The following ACVR1 variants were observed in gnomAD, a reference collection of about 807,000 sequenced individuals.
ACVR1 encodes the protein activin receptor type-1.
A neutral mutation model predicts 57.1 loss-of-function variants in ACVR1; 38 were observed. The ratio of observed to expected loss-of-function variants is 0.67; its 90% CI spans 0.51 to 0.87. The LOEUF (loss-of-function observed/expected upper bound fraction) is 0.87. Ranked by LOEUF, ACVR1 falls within the 40% of genes least tolerant of loss-of-function variation. The pLI is 0.00. For missense variants in ACVR1, 463 were observed against 638.2 expected (o/e 0.73, Z 2.96); for synonymous variants, 212 against 228.1 (o/e 0.93, Z 0.63).
chr2:157,756,647 C>A (rs1196291743), intron 9 of ACVR1, among the ~76,000 whole-genome samples: 2 of 151,886 alleles, frequency 1.3e-5, no homozygotes, highest in African/African-American at 4.8e-5. Context: ...ATCAAAAAAT[C>A]AAAAAATAAC....
At chr2:157,779,814 C>T (rs1053224833) in intron 4 of ACVR1, among the ~76,000 whole-genome samples, 8 of 152,158 alleles carry the variant, frequency 5.3e-5, no homozygotes, top group Non-Finnish European at 7.3e-5. Flanking sequence ...TGTGCGAAAT[C>T]TCATCCTGCT....
intron 9 of ACVR1, among the ~76,000 whole-genome samples, chr2:157,743,006 C>T (rs958019196): frequency 1.1e-4 from 16 of 152,110 alleles, no homozygotes; most frequent in Non-Finnish European, 1.6e-4. Context: ...GAGCCCACTC[C>T]CTCCCCACCA....
chr2:157,823,954 C>T (rs1688246096), intron 1 of ACVR1, among the ~76,000 whole-genome samples: 1 of 152,150 alleles, frequency 6.6e-6, no homozygotes, highest in Non-Finnish European at 1.5e-5. Flanking sequence ...AGCCCTGGCC[C>T]ATGTAATCTT....
intron 7 of ACVR1, 130 bp downstream of exon 7, chr2:157,770,238 A>C: frequency 1.0e-6 from 1 of 958,748 alleles, no homozygotes; most frequent in Non-Finnish European, 1.6e-6. Flanking sequence ...ACAGCATATA[A>C]ATGCTAAGGA....
intron 4 of ACVR1, among the ~76,000 whole-genome samples, chr2:157,779,161 C>CA (rs536914530): frequency 3.5e-4 from 51 of 146,752 alleles, no homozygotes; most frequent in South Asian, 1.1e-3. Context: ...TCCTTAAATT[C>CA]AAAAAAAAAA....
intron 1 of ACVR1, among the ~76,000 whole-genome samples, chr2:157,842,840 A>T (rs907759738): frequency 6.6e-6 from 1 of 152,184 alleles, no homozygotes; most frequent in Non-Finnish European, 1.5e-5. Context: ...GACTGTTCTA[A>T]GGTTCATCTA....
At chr2:157,844,295 G>A (rs1007416026) in intron 1 of ACVR1, among the ~76,000 whole-genome samples, 1 of 152,144 alleles carries the variant, frequency 6.6e-6, no homozygotes. Context: ...AAGTAACAGT[G>A]ACAGCTCTGC....
intron 9 of ACVR1, 122 bp downstream of exon 9, chr2:157,760,758 A>AT (rs1685614473): frequency 1.0e-6 from 1 of 989,814 alleles, no homozygotes; most frequent in Admixed American, 2.1e-5. Context: ...ATGAATGCCT[A>AT]TAACTCGACA....
At chr2:157,867,018 T>C (rs60142538) in intron 1 of ACVR1, among the ~76,000 whole-genome samples, 1 of 152,208 alleles carries the variant, frequency 6.6e-6, no homozygotes, top group Admixed American at 6.5e-5. Context: ...CAGTTCCATT[T>C]TCCCAGCTTC....
rs1690269300 is a variant in ACVR1 at position 157,875,809 on chromosome 2, G to GCGGCCGGGGGCT, written c.-208_-197dup. 6.6e-6 allele frequency: 1 copy of GCGGCCGGGGGCT among 151,554 alleles called. No individual in the cohort carries two copies. 9.4% of individuals were successfully genotyped at this position (151,554 alleles called of 1,614,324 possible). On this transcript the variant is annotated 5_prime_UTR_variant, in exon 1 of 11. Transcript: ENST00000434821. ...ACCTGCGCTCACCTCGGGTCCCGCC[G>GCGGCCGGGGGCT]CGGCCGGGGGCTGAGCCGGGGGAGG...
In ACVR1 at chr2:157,821,388, G is replaced by C. The variant is rs185325854; in HGVS notation, c.-182-2829C>G. 3.9e-5 allele frequency among the ~76,000 whole-genome samples: 6 copies of C among 152,230 alleles called. No individual in the cohort carries two copies. In the East Asian group the frequency reaches 1.2e-3, roughly 30 times the overall value. The stretch of plus-strand genomic sequence containing the variant: ...CAAAAATACAAAATTAGCCTGGCGT[G>C]GTGGCAGGCACCTGTAATCCTAGCT... On this transcript the variant is annotated intron_variant, in intron 1 of 10. Coordinates refer to ENST00000434821, the MANE Select transcript of ACVR1 (RefSeq NM_001111067.4).
intron 2 of ACVR1, among the ~76,000 whole-genome samples, chr2:157,809,162 G>T (rs1234370270): frequency 1.3e-5 from 2 of 152,080 alleles, no homozygotes; most frequent in Non-Finnish European, 2.9e-5. Flanking sequence ...ACTTTGTAAA[G>T]TTTCTCCAAG....
chr2:157,817,436 T>C (rs537825437), intron 2 of ACVR1, among the ~76,000 whole-genome samples: 4 of 152,322 alleles, frequency 2.6e-5, no homozygotes, highest in South Asian at 4.1e-4. Flanking sequence ...AACTACTCTC[T>C]ATAATATTAT....
In ACVR1 at chr2:157,736,634, A is replaced by G. The variant is rs1362898531; in HGVS notation, c.*897T>C. 1 of 314,164 alleles carries G rather than the reference A, an allele frequency of 3.2e-6. No homozygotes were observed. Among genetic ancestry groups the G allele is most frequent in the Non-Finnish European group, 5.9e-6 (1 of 170,522 alleles). 19.5% of individuals were successfully genotyped at this position (314,164 alleles called of 1,614,324 possible). A position where few individuals can be genotyped will look rare whatever the true frequency, so the allele number is the denominator to read the frequency against. ...TGAAATCTTTGCTTCTAAATCAGTA[A>G]TATATTCGGTGGTGTCACGTGGGTA... On this transcript the variant is annotated 3_prime_UTR_variant, in exon 11 of 11. Transcript: ENST00000434821.
intron 3 of ACVR1, among the ~76,000 whole-genome samples, chr2:157,788,819 C>T (rs1338345236): frequency 6.8e-6 from 1 of 147,784 alleles, no homozygotes; most frequent in Non-Finnish European, 1.5e-5. Flanking sequence ...AGGGTAAAAA[C>T]TTGGGGCAGA....
chr2:157,753,550 C>A (rs1317218585), intron 9 of ACVR1, among the ~76,000 whole-genome samples: 3 of 152,014 alleles, frequency 2.0e-5, no homozygotes, highest in Non-Finnish European at 4.4e-5. Context: ...CCTTGTCCAG[C>A]AGGAAACTAT....
intron 8 of ACVR1, among the ~76,000 whole-genome samples, chr2:157,762,920 C>T (rs1490952809): frequency 6.6e-6 from 1 of 152,150 alleles, no homozygotes; most frequent in East Asian, 1.9e-4. Context: ...ATGATTGCAA[C>T]CTCCACGAGA....
intron 7 of ACVR1, among the ~76,000 whole-genome samples, chr2:157,767,706 G>T (rs1176363840): frequency 6.6e-6 from 1 of 152,066 alleles, no homozygotes; most frequent in Non-Finnish European, 1.5e-5. Context: ...TGGTAAGAAA[G>T]ACATCATTAT....
chr2:157,744,860 C>T (rs929455818), intron 9 of ACVR1, among the ~76,000 whole-genome samples: 2 of 152,222 alleles, frequency 1.3e-5, no homozygotes, highest in African/African-American at 4.8e-5. Flanking sequence ...GGCCCGGCCA[C>T]ACTGCCAGAG....
Sources: gnomAD v4.1 joint callset for allele counts (sites outside exome capture counted in the v4.1 genomes callset) on GRCh38, gnomAD v4.1.1 for gene constraint, MANE v1.5 for transcripts, NCBI Gene and HGNC (gene_info 2026-07-23, HGNC 2026-07-21) for gene names.